The following OFD1 variants were observed in gnomAD, a reference collection of about 807,000 sequenced individuals.
OFD1 encodes OFD1 centriole and centriolar satellite protein.
Under a neutral mutation model 81.4 loss-of-function variants are expected in OFD1, and 12 were observed. The ratio of observed to expected loss-of-function variants is 0.15; its 90% CI spans 0.09 to 0.24. The LOEUF (loss-of-function observed/expected upper bound fraction) is 0.24. Ranked by LOEUF, OFD1 falls within the 10% of genes least tolerant of loss-of-function variation. The pLI is 1.00. For synonymous variants in OFD1, 256 were observed against 263.7 expected (o/e 0.97, Z 0.28); for missense variants, 685 against 733.9 (o/e 0.93, Z 0.77).
upstream of OFD1, chrX:13,734,736 G>A: frequency 3.9e-6 from 4 of 1,021,162 alleles, no homozygotes; most frequent in Non-Finnish European, 3.7e-6. Context: ...GCAGGTTTCC[G>A]GAAGTTGCCG....
intron 3 of OFD1, chrX:13,738,546 G>C (rs2046965751): frequency 5.0e-6 from 1 of 200,502 alleles, no homozygotes; most frequent in Non-Finnish European, 9.1e-6. Context: ...GTAGTCATTG[G>C]TTCATCAGAT....
At chrX:13,758,179 G>C (rs1250425667) in intron 14 of OFD1, among the ~76,000 whole-genome samples, 158 bp from the exon 15 acceptor site, 1 of 110,231 alleles carries the variant, frequency 9.1e-6, no homozygotes, top group African/African-American at 3.3e-5. Context: ...TGTTCTGCTT[G>C]TGTTTTTTTT....
chrX:13,722,709 C>T, the OFD1 span, among the ~76,000 whole-genome samples: 27 of 111,808 alleles, frequency 2.4e-4, 1 homozygote, highest in East Asian at 6.4e-3. Context: ...GAACTTTCTG[C>T]GAGGACAGAA....
At chrX:13,754,965 T>C (rs1373655227) in intron 11 of OFD1, among the ~76,000 whole-genome samples, 186 bp from the exon 12 acceptor site, 1 of 112,731 alleles carries the variant, frequency 8.9e-6, no homozygotes, top group Admixed American at 9.3e-5. Flanking sequence ...TCACCACATA[T>C]ATGACAGTTA....
chrX:13,723,977 G>A, the OFD1 span, among the ~76,000 whole-genome samples: 2 of 112,001 alleles, frequency 1.8e-5, no homozygotes, highest in Non-Finnish European at 3.8e-5. Flanking sequence ...GAATAGGGAA[G>A]CAAAAGAGGA....
Position 13,735,262 on chromosome X carries a change from C to T in OFD1, c.27C>T (p.Thr9=). The change falls in exon 2 of 23, where the codon ACC becomes ACT. Residue 9 remains threonine, a synonymous_variant. Coordinates refer to ENST00000340096, the MANE Select transcript of OFD1 (RefSeq NM_003611.3). MMAQSNMF[T]VADVLSQDEL... is the part of the protein sequence containing the mutation. ...TTGTCTTTTAGTCCAACATGTTTAC[C>T]GTGGCTGATGTGTTGAGTCAAGATG... is the stretch of plus-strand genomic sequence containing the variant. 2 of 1,211,068 alleles carry T rather than the reference C, an allele frequency of 1.7e-6. No individual in the cohort carries two copies. The highest frequency in any genetic ancestry group is 1.1e-6 in the Non-Finnish European group (1 of 894,748).
In OFD1 at chrX:13,769,323, A is replaced by C; in HGVS notation, c.*215A>C. 21 of 396,587 alleles carry C rather than the reference A, an allele frequency of 5.3e-5. No individual in the cohort carries two copies. Among genetic ancestry groups the C allele is most frequent in the Non-Finnish European group, 4.9e-5 (11 of 224,417 alleles). The allele number at this position is 396,587 out of a possible 1,213,427, so 32.7% of individuals were successfully genotyped here. On this transcript the variant is annotated 3_prime_UTR_variant, in exon 23 of 23. Transcript: ENST00000340096. ...CTCTTCTCCAGTCATAGTATTTCTC[A>C]TTCATTATAATAAAAGTAACTGGCT...
At chrX:13,773,065 CA>C, downstream of OFD1, 3 of 1,181,682 alleles carry the variant, frequency 2.5e-6, no homozygotes, top group Non-Finnish European at 3.4e-6. Flanking sequence ...GGCTAGTGAG[CA>C]TTGTGAGAAG....
At position 13,755,004 on chromosome X, in the gene OFD1, G is replaced by A. The variant is rs146219508; in HGVS notation, c.1130-147G>A. On this transcript the variant is annotated intron_variant, in intron 11 of 22. Coordinates refer to ENST00000340096, the MANE Select transcript of OFD1 (RefSeq NM_003611.3). ...CTTCACATCACCTGTTGGGTAACAG[G>A]GTTTATTTCTTACTTGCCCGCTACA... 1.5e-4 allele frequency: 73 copies of A among 494,057 alleles called. No homozygotes were observed. The East Asian group carries it at 2.5e-3, about 17-fold the overall frequency. 40.7% of individuals were successfully genotyped at this position (494,057 alleles called of 1,213,427 possible).
chrX:13,745,339 T>G (rs2047252984), intron 6 of OFD1, among the ~76,000 whole-genome samples: 1 of 112,699 alleles, frequency 8.9e-6, no homozygotes, highest in African/African-American at 3.2e-5. Context: ...GAAATTTGTT[T>G]TAATAATATA....
At chrX:13,726,548 G>C in the OFD1 span, among the ~76,000 whole-genome samples, 1 of 111,364 alleles carries the variant, frequency 9.0e-6, no homozygotes, top group Non-Finnish European at 1.9e-5. Context: ...TACAGAGAAG[G>C]AAATGATGAG....
At chrX:13,745,257 C>G (rs980625237) in intron 6 of OFD1, among the ~76,000 whole-genome samples, 1 of 112,210 alleles carries the variant, frequency 8.9e-6, no homozygotes, top group African/African-American at 3.2e-5. Context: ...CAGTGCTGTT[C>G]AGTGGTGTGA....
Position 13,751,337 on chromosome X carries a change from T to G in OFD1, c.1024T>G (p.Tyr342Asp). Reference protein sequence around the residue: ...EQNIKSFEETYDRKLKNELLK... With the variant: ...EQNIKSFEETDDRKLKNELLK... ...GAATATAAAGAGTTTTGAGGAGACC[T>G]ATGACCGAAAGCTCAAGAATGAACT... The change falls in exon 10 of 23, where the codon TAT becomes GAT. Residue 342 changes from tyrosine (Y) to aspartate (D), a missense_variant. Physicochemically the swap from Tyr to Asp is radical, Grantham distance 160. Transcript: ENST00000340096. 1.7e-6 allele frequency: 2 copies of G among 1,202,356 alleles called. No individual in the cohort carries two copies. The highest frequency in any genetic ancestry group is 2.3e-6 in the Non-Finnish European group (2 of 887,546).
At chrX:13,715,989 T>C in the OFD1 span, 2 of 1,174,807 alleles carry the variant, frequency 1.7e-6, no homozygotes, top group Admixed American at 2.4e-5. Flanking sequence ...TTAAAAATTA[T>C]AGAACATACC....
chrX:13,747,196 C>A (rs1490256780), intron 8 of OFD1, among the ~76,000 whole-genome samples: 1 of 112,027 alleles, frequency 8.9e-6, no homozygotes, highest in Non-Finnish European at 1.9e-5. Context: ...ATGAGAAACA[C>A]ACCCTAAATA....
chrX:13,741,507 C>T (rs2047102707), intron 5 of OFD1, among the ~76,000 whole-genome samples: 1 of 111,785 alleles, frequency 8.9e-6, no homozygotes, highest in Non-Finnish European at 1.9e-5. Context: ...GGTACTTTTC[C>T]TCCTAGATTC....
intron 3 of OFD1, among the ~76,000 whole-genome samples, chrX:13,738,380 T>C (rs928532488): frequency 3.5e-5 from 4 of 112,878 alleles, no homozygotes; most frequent in Non-Finnish European, 7.5e-5. Flanking sequence ...TATACTGTAG[T>C]AGAAATATAT....
the OFD1 span, among the ~76,000 whole-genome samples, chrX:13,724,288 G>T: frequency 8.2e-5 from 9 of 109,115 alleles, no homozygotes; most frequent in Non-Finnish European, 1.3e-4. Context: ...CATGGAAGAT[G>T]TAAGAAGTAG....
chrX:13,767,013 A>G (rs2048153558), intron 19 of OFD1, 114 bp from the exon 20 acceptor site: 2 of 711,628 alleles, frequency 2.8e-6, no homozygotes, highest in East Asian at 3.2e-5. Context: ...CACAGAGTCA[A>G]CTAAAAGCCA....
Sources: gnomAD v4.1 joint callset for allele counts (sites outside exome capture counted in the v4.1 genomes callset) on GRCh38, gnomAD v4.1.1 for gene constraint, MANE v1.5 for transcripts, NCBI Gene and HGNC (gene_info 2026-07-23, HGNC 2026-07-21) for gene names.